Variants in FBRSL1 observed in about 807,000 individuals in gnomAD.
FBRSL1 encodes fibrosin like 1.
In FBRSL1, 51 loss-of-function variants were observed where a neutral mutation model predicts 89.6. The observed-to-expected ratio is 0.57, with a 90% CI of 0.45 to 0.72. The LOEUF is 0.72. FBRSL1 is among the 30% of genes least tolerant of loss of function. FBRSL1 has a pLI of 0.00. For missense variants in FBRSL1, 1,618 were observed against 1,451.8 expected, an observed-to-expected ratio of 1.11 and a Z score of -1.86; for synonymous variants, 779 against 681.1, an observed-to-expected ratio of 1.14 and a Z score of -2.24.
intron 2 of FBRSL1, among the ~76,000 whole-genome samples, chr12:132,513,903 C>T (rs2034594598): frequency 6.6e-6 from 1 of 152,150 alleles, no homozygotes; most frequent in Admixed American, 6.5e-5. Flanking sequence ...TGGGTGGGCT[C>T]CCGGCACCTG....
intron 2 of FBRSL1, among the ~76,000 whole-genome samples, chr12:132,521,228 G>T (rs114549518): frequency 0.013 from 1,911 of 152,348 alleles, 38 homozygotes; most frequent in African/African-American, 0.043. Flanking sequence ...AGCGGGAGCT[G>T]CGAGGAGGAG....
intron 5 of FBRSL1, among the ~76,000 whole-genome samples, chr12:132,561,496 T>C (rs2039123807): frequency 6.6e-6 from 1 of 152,284 alleles, no homozygotes; most frequent in Non-Finnish European, 1.5e-5. Context: ...GGGCCGGCTT[T>C]GGGGGCTGTG....
At chr12:132,581,926 T>C in intron 17 of FBRSL1, 102 bp downstream of exon 17, 1 of 1,322,866 alleles carries the variant, frequency 7.6e-7, no homozygotes, top group South Asian at 1.4e-5. Flanking sequence ...CTCCCTCCTC[T>C]CTGGGCTGGG....
chr12:132,552,777 A>G (rs953248659), intron 5 of FBRSL1: 27 of 157,968 alleles, frequency 1.7e-4, no homozygotes, highest in African/African-American at 6.4e-4. Context: ...GGACGGATGG[A>G]CGGCTGGACA....
intron 14 of FBRSL1, among the ~76,000 whole-genome samples, chr12:132,576,208 C>CTTTTTTTTTTTTTTTTTTTT (rs66466623): frequency 6.8e-6 from 1 of 146,708 alleles, no homozygotes; most frequent in Non-Finnish European, 1.5e-5. Flanking sequence ...TTTTTTTTTT[C>CTTTTTTTTTTTTTTTTTTTT]TTGAGATAGA....
chr12:132,519,337 G>A (rs545833502), intron 2 of FBRSL1, among the ~76,000 whole-genome samples: 12 of 152,326 alleles, frequency 7.9e-5, no homozygotes, highest in African/African-American at 2.6e-4. Flanking sequence ...GGAGTGTCAG[G>A]AACGGTTTCA....
chr12:132,500,500 G>A (rs1267031091), intron 1 of FBRSL1, among the ~76,000 whole-genome samples: 3 of 152,142 alleles, frequency 2.0e-5, no homozygotes, highest in Admixed American at 2.0e-4. Context: ...CCCCCATAGG[G>A]CCAGCCGGTC....
At chr12:132,562,859 G>A (rs1389122938) in intron 5 of FBRSL1, among the ~76,000 whole-genome samples, 2 of 152,114 alleles carry the variant, frequency 1.3e-5, no homozygotes, top group Non-Finnish European at 2.9e-5. Flanking sequence ...CCAGCAAGAA[G>A]GTGGAATCCA....
intron 1 of FBRSL1, among the ~76,000 whole-genome samples, chr12:132,498,807 G>C (rs1013216453): frequency 1.3e-5 from 2 of 152,196 alleles, no homozygotes; most frequent in African/African-American, 4.8e-5. Flanking sequence ...TGGTGTCCCC[G>C]TGGGCCAGGA....
chr12:132,582,155 C>T lies in FBRSL1; in HGVS notation c.2090C>T (p.Pro697Leu), dbSNP rs1156906217. 1.9e-5 allele frequency: 30 copies of T among 1,549,896 alleles called. No individual in the cohort carries two copies. The highest frequency in any genetic ancestry group is 2.5e-5 in the Non-Finnish European group (29 of 1,146,796). Residue 697 changes from proline to leucine, a missense_variant, in exon 18 of 19, where the codon CCG (proline) becomes CTG (leucine). Transcript: ENST00000680143. ...HEAWNRLHRAPPSFPAPPPWP... is the reference protein window; with the variant it reads ...HEAWNRLHRALPSFPAPPPWP... ...GCCTGGAACCGACTGCACCGGGCACCGCCCTCCTTCCCGGCTCCGCCCCCG... is the reference window on the plus strand; with the variant it reads ...GCCTGGAACCGACTGCACCGGGCACTGCCCTCCTTCCCGGCTCCGCCCCCG...
At chr12:132,562,966 C>T (rs1020202762) in intron 5 of FBRSL1, among the ~76,000 whole-genome samples, 4 of 151,948 alleles carry the variant, frequency 2.6e-5, no homozygotes, top group Non-Finnish European at 5.9e-5. Context: ...GGAGCTTGCT[C>T]TGAAGGACCT....
chr12:132,558,277 G>A (rs2038837713), intron 5 of FBRSL1, among the ~76,000 whole-genome samples: 1 of 152,222 alleles, frequency 6.6e-6, no homozygotes, highest in Non-Finnish European at 1.5e-5. Flanking sequence ...TGTCCCTGCT[G>A]AGCCATGAGC....
chr12:132,496,928 G>C (rs907295385), intron 1 of FBRSL1, among the ~76,000 whole-genome samples: 1 of 151,708 alleles, frequency 6.6e-6, no homozygotes, highest in African/African-American at 2.4e-5. Flanking sequence ...GCTGCCCCGC[G>C]CTTCCTTCCC....
At chr12:132,496,548 G>A (rs746193839) in intron 1 of FBRSL1, among the ~76,000 whole-genome samples, 3 of 152,214 alleles carry the variant, frequency 2.0e-5, no homozygotes, top group Non-Finnish European at 2.9e-5. Flanking sequence ...TCCCTCCTCA[G>A]CACAGGCAGT....
At chr12:132,581,187 A>AG (rs1566249616) in intron 15 of FBRSL1, 1 of 985,154 alleles carries the variant, frequency 1.0e-6, no homozygotes, top group African/African-American at 1.7e-5. Context: ...CATCGCACTC[A>AG]GCACCTCCCT....
At chr12:132,492,354 C>G (rs1233038515) in intron 1 of FBRSL1, among the ~76,000 whole-genome samples, 1 of 152,184 alleles carries the variant, frequency 6.6e-6, no homozygotes, top group Non-Finnish European at 1.5e-5. Flanking sequence ...TCGACGTTGC[C>G]CACCTTCTTT....
intron 4 of FBRSL1, among the ~76,000 whole-genome samples, chr12:132,529,774 C>CA (rs1194506186): frequency 6.6e-6 from 1 of 152,224 alleles, no homozygotes; most frequent in African/African-American, 2.4e-5. Flanking sequence ...TCAGCTCTGC[C>CA]ACCCTGGGCT....
rs192181573 is a variant in FBRSL1, at chr12:132,523,074, C to T, written c.490-2660C>T. Among the ~76,000 whole-genome samples the T allele has an allele frequency of 4.3e-3, 648 of 152,228 alleles. 2 individuals carry two copies. The highest frequency in any genetic ancestry group is 0.026 in the South Asian group (125 of 4,818). ...TGGGCACAGGTGCAGTAGCTCCTGCCCACCCTCCAGGGCAAAAGGGGCCCC... is the reference window on the plus strand; with the variant it reads ...TGGGCACAGGTGCAGTAGCTCCTGCTCACCCTCCAGGGCAAAAGGGGCCCC... On this transcript the variant is annotated intron_variant, in intron 2 of 18. Transcript: ENST00000680143.
chr12:132,570,972 G>A (rs1424292362), intron 8 of FBRSL1, 96 bp from the exon 9 acceptor site: 6 of 833,258 alleles, frequency 7.2e-6, no homozygotes, highest in South Asian at 5.5e-5. Context: ...GGCTGGGGAC[G>A]GCCCCGTGTC....
Sources: allele counts gnomAD v4.1 joint callset (sites outside exome capture counted in the v4.1 genomes callset), GRCh38; gene constraint gnomAD v4.1.1; transcripts MANE v1.5; gene names NCBI Gene and HGNC (gene_info 2026-07-23, HGNC 2026-07-21).